CCT5: variants seen among roughly 807,000 people sequenced by gnomAD.
The protein encoded by CCT5 is T-complex protein 1 subunit epsilon.
Under a neutral mutation model 55.0 loss-of-function variants are expected in CCT5, and 6 were observed. That is an observed-to-expected ratio of 0.11 (90% CI 0.06 to 0.22). CCT5 has a LOEUF of 0.22. CCT5 is among the 10% of genes least tolerant of loss of function. The pLI is 1.00. For synonymous variants in CCT5, 231 were observed against 243.7 expected, an observed-to-expected ratio of 0.95 and a Z score of 0.49; for missense variants, 560 against 694.6, an observed-to-expected ratio of 0.81 and a Z score of 2.18.
Position 10,250,708 on chromosome 5 carries a change from C to T in CCT5, c.105+263C>T, listed in dbSNP as rs1428103811. On this transcript the variant is annotated intron_variant, in intron 1 of 10. Coordinates refer to ENST00000280326, the MANE Select transcript of CCT5 (RefSeq NM_012073.5). Reference sequence around the variant, plus strand: ...GCTGGGTGGGGCCGCTCAGTCCGGTCGCCCGCGGGAGCAAAGCGGGACCGC... The same window carrying T: ...GCTGGGTGGGGCCGCTCAGTCCGGTTGCCCGCGGGAGCAAAGCGGGACCGC... 6 of 1,312,764 alleles carry T rather than the reference C, an allele frequency of 4.6e-6. No individual in the cohort carries two copies. In the African/African-American group the frequency reaches 4.6e-5, roughly 10 times the overall value. 81.3% of individuals were successfully genotyped at this position (1,312,764 alleles called of 1,614,324 possible).
chr5:10,263,022 C>A (rs74569181), intron 9 of CCT5, 112 bp from the exon 10 acceptor site: 6 of 881,906 alleles, frequency 6.8e-6, no homozygotes, highest in African/African-American at 1.6e-5. Context: ...CCTGTTCTTA[C>A]AATTCTTTGT....
intron 1 of CCT5, chr5:10,250,813 C>T (rs1238806203): frequency 1.8e-6 from 2 of 1,123,474 alleles, no homozygotes; most frequent in Non-Finnish European, 2.2e-6. Flanking sequence ...TGCTCTGTCA[C>T]CTGTCGGTTA....
At chr5:10,262,017 C>G (rs1745988085) in intron 8 of CCT5, 3 of 436,152 alleles carry the variant, frequency 6.9e-6, no homozygotes, top group South Asian at 6.3e-5. Flanking sequence ...TTTAAATATT[C>G]AAGTCCTGGA....
rs978444316 is a variant in CCT5, at chr5:10,258,157, G to A, written c.577G>A (p.Val193Ile). ...RQMAEIAVNA[V>I]LTVADMERRD... is the part of the protein sequence containing the mutation. ...GATGGCTGAGATTGCTGTGAATGCC[G>A]TCCTCACTGTAGCAGATATGGAGCG... The change falls in exon 5 of 11, where the codon GTC (valine) becomes ATC (isoleucine). Residue 193 changes from valine to isoleucine, a missense_variant. Coordinates refer to ENST00000280326, the MANE Select transcript of CCT5 (RefSeq NM_012073.5). 1.9e-5 allele frequency: 30 copies of A among 1,614,060 alleles called. No individual in the cohort carries two copies. The highest frequency in any genetic ancestry group is 4.5e-5 in the East Asian group (2 of 44,896).
intron 9 of CCT5, 35 bp from the exon 10 acceptor site, chr5:10,263,099 C>T: frequency 6.2e-7 from 1 of 1,601,486 alleles, no homozygotes; most frequent in Non-Finnish European, 8.6e-7. Flanking sequence ...TTTTGTTTCG[C>T]CAAGTGCACT....
intron 9 of CCT5, 44 bp downstream of exon 9, chr5:10,262,662 G>A: frequency 1.2e-6 from 2 of 1,607,092 alleles, no homozygotes; most frequent in Non-Finnish European, 1.7e-6. Flanking sequence ...AGGCCTCGCT[G>A]ATGGTGGAGA....
intron 6 of CCT5, among the ~76,000 whole-genome samples, chr5:10,260,378 G>T (rs1258497357): frequency 2.0e-5 from 3 of 152,228 alleles, no homozygotes; most frequent in African/African-American, 7.2e-5. Flanking sequence ...CAGTCAAGTT[G>T]CAAGTGGTTC....
In CCT5 at chr5:10,251,248, G is replaced by C. The variant is rs528484121; in HGVS notation, c.105+803G>C. On this transcript the variant is annotated intron_variant, in intron 1 of 10. Transcript: ENST00000280326. ...GAATGCCCAACATGGAAAATACGAC[G>C]TTATCTTTGGGGAAGAAGGGGAGCC... 8.5e-5 allele frequency among the ~76,000 whole-genome samples: 13 copies of C among 152,296 alleles called. No homozygotes were observed. In the East Asian group the frequency reaches 2.3e-3, roughly 27 times the overall value.
chr5:10,250,298 C>T lies in CCT5; in HGVS notation c.-43C>T, dbSNP rs989530755. 14 of 1,613,294 alleles carry T rather than the reference C, an allele frequency of 8.7e-6. No individual in the cohort carries two copies. The highest frequency in any genetic ancestry group is 1.2e-5 in the Non-Finnish European group (14 of 1,179,886). ...GGGAAGTGCATTCTCGCTTCCGTAG[C>T]GGTCTCCGCCGGTTGGGGGGAAGTA... On this transcript the variant is annotated 5_prime_UTR_variant, in exon 1 of 11. Coordinates refer to ENST00000280326, the MANE Select transcript of CCT5 (RefSeq NM_012073.5).
intron 1 of CCT5, 68 bp downstream of exon 1, chr5:10,250,513 C>T: frequency 3.8e-6 from 6 of 1,593,844 alleles, no homozygotes; most frequent in Non-Finnish European, 1.7e-6. Flanking sequence ...TCTGCGCCTG[C>T]GCGAGTTGAG....
Position 10,263,202 on chromosome 5 carries a change from C to G in CCT5, c.1386C>G (p.Leu462=). Residue 462 remains leucine (L), a synonymous_variant, in exon 10 of 11, where the codon CTC becomes CTG. Transcript: ENST00000280326. ...CACTGGAGGTCATCCCCATGGCCCT[C>G]TCTGAAAACAGTGGCATGAATCCCA... ...ADALEVIPMA[L]SENSGMNPIQ... 1 of 1,614,188 alleles carries G rather than the reference C, an allele frequency of 6.2e-7. No homozygotes were observed. The highest frequency in any genetic ancestry group is 8.5e-7 in the Non-Finnish European group (1 of 1,180,018).
chr5:10,253,849 A>G (rs1745547469), intron 1 of CCT5, among the ~76,000 whole-genome samples: 1 of 152,204 alleles, frequency 6.6e-6, no homozygotes, highest in Non-Finnish European at 1.5e-5. Flanking sequence ...GGTCATAGTC[A>G]TACTGTCCCT....
rs1268372036 is a variant in CCT5 at position 10,263,122 on chromosome 5, G to A, written c.1318-12G>A. The A allele has an allele frequency of 6.2e-7, 1 of 1,613,740 alleles. No individual in the cohort carries two copies. Among genetic ancestry groups the A allele is most frequent in the Non-Finnish European group, 8.5e-7 (1 of 1,179,786 alleles). On this transcript the variant is annotated splice_polypyrimidine_tract_variant and intron_variant, in intron 9 of 10. Transcript: ENST00000280326. ...CGCCAAGTGCACTCACCATACTTCT[G>A]TACCTTTCCAGTGCCCCACCTTAGA...
At chr5:10,253,738 G>T (rs1745543014) in intron 1 of CCT5, among the ~76,000 whole-genome samples, 1 of 152,172 alleles carries the variant, frequency 6.6e-6, no homozygotes, top group Non-Finnish European at 1.5e-5. Context: ...CCTGGAACCT[G>T]TTCCCCATGG....
rs1480646928 is a variant in CCT5 at position 10,265,845 on chromosome 5, C to T, written c.*1062C>T. The T allele has an allele frequency of 1.3e-5, 2 of 152,126 alleles. No homozygotes were observed. Among genetic ancestry groups the T allele is most frequent in the African/African-American group, 2.4e-5 (1 of 41,416 alleles). The allele number at this position is 152,126 out of a possible 1,614,324, so 9.4% of individuals were successfully genotyped here. The stretch of plus-strand genomic sequence containing the variant: ...GTTTCTTAGCATTGTGATGATAAAG[C>T]TCATGATGAACTTTATCACTAGTTA... On this transcript the variant is annotated 3_prime_UTR_variant, in exon 11 of 11. Transcript: ENST00000280326.
chr5:10,250,145 A>C (rs1745291911), upstream of CCT5: 2 of 1,535,800 alleles, frequency 1.3e-6, no homozygotes, highest in Non-Finnish European at 1.7e-6. Context: ...GGCTTCCTGG[A>C]TAATAGAAGT....
At chr5:10,249,929 A>C (rs982221026), upstream of CCT5, 95 of 831,348 alleles carry the variant, frequency 1.1e-4, 4 homozygotes, top group African/African-American at 1.8e-3. Flanking sequence ...AAAAAAAAAA[A>C]AAAAACCGGA....
chr5:10,251,912 C>T (rs1469527987), intron 1 of CCT5, among the ~76,000 whole-genome samples: 1 of 152,216 alleles, frequency 6.6e-6, no homozygotes, highest in Non-Finnish European at 1.5e-5. Flanking sequence ...AAACTGCATG[C>T]ATTTGTGCCC....
chr5:10,249,923 A>ACCG, upstream of CCT5: 2 of 1,303,468 alleles, frequency 1.5e-6, no homozygotes, highest in African/African-American at 3.4e-5. Flanking sequence ...AAAAAAAAAA[A>ACCG]AAAAAAAAAA....
Sources: gnomAD v4.1 joint callset for allele counts (sites outside exome capture counted in the v4.1 genomes callset) on GRCh38, gnomAD v4.1.1 for gene constraint, MANE v1.5 for transcripts, NCBI Gene and HGNC (gene_info 2026-07-23, HGNC 2026-07-21) for gene names.